MGAT5B: variants seen among roughly 807,000 people sequenced by gnomAD.
The protein encoded by MGAT5B is N-acetylglucosaminyl-transferase Vb.
A neutral mutation model predicts 95.1 loss-of-function variants in MGAT5B; 54 were observed. The observed-to-expected ratio is 0.57, with a 90% CI of 0.46 to 0.71. The LOEUF is 0.71. Ranked by LOEUF, MGAT5B falls within the 30% of genes least tolerant of loss-of-function variation. The pLI is 0.00. For missense variants in MGAT5B, 935 were observed against 1,088.6 expected (o/e 0.86, Z 1.99); for synonymous variants, 464 against 451.0 (o/e 1.03, Z -0.36).
At chr17:76,893,547 G>C (rs889573507) in intron 3 of MGAT5B, among the ~76,000 whole-genome samples, 6 of 152,234 alleles carry the variant, frequency 3.9e-5, no homozygotes, top group Admixed American at 6.5e-5. Context: ...CAGGACCAAA[G>C]GGCTCAGGGG....
intron 4 of MGAT5B, 72 bp downstream of exon 4, chr17:76,902,742 GA>G: frequency 1.2e-6 from 1 of 836,026 alleles, no homozygotes; most frequent in Non-Finnish European, 1.9e-6. Flanking sequence ...TGGGCCCTGG[GA>G]GGGTGGGACA....
chr17:76,893,043 T>G (rs1967935189), intron 3 of MGAT5B, among the ~76,000 whole-genome samples: 1 of 152,136 alleles, frequency 6.6e-6, no homozygotes, highest in South Asian at 2.1e-4. Flanking sequence ...GGTGTGGACA[T>G]CCCGGAGCTG....
rs1466446407 is a variant in MGAT5B, at chr17:76,905,138, G to T, written c.691-31G>T. 1.3e-6 allele frequency: 2 copies of T among 1,577,114 alleles called. No homozygotes were observed. The highest frequency in any genetic ancestry group is 1.7e-6 in the Non-Finnish European group (2 of 1,155,078). Reference sequence around the variant, plus strand: ...GGAATGATGGTGGCCGCAGGTTGAGGGGCAGAGAGCTGAGGTCTGGACCCC... The same window carrying T: ...GGAATGATGGTGGCCGCAGGTTGAGTGGCAGAGAGCTGAGGTCTGGACCCC... On this transcript the variant is annotated intron_variant, in intron 6 of 17. Transcript: ENST00000569840. This position sits in a 1 kb window ranked among gnomAD's most constrained non-coding sequence, Gnocchi z 4.2.
intron 8 of MGAT5B, among the ~76,000 whole-genome samples, chr17:76,921,582 C>T (rs1969125787): frequency 6.6e-6 from 1 of 152,148 alleles, no homozygotes; most frequent in South Asian, 2.1e-4. Flanking sequence ...ACCCACTTCC[C>T]TGCTCCCTCC....
chr17:76,893,174 A>G (rs1025504510), intron 3 of MGAT5B, among the ~76,000 whole-genome samples: 1 of 151,994 alleles, frequency 6.6e-6, no homozygotes, highest in African/African-American at 2.4e-5. Flanking sequence ...CCACACAGAC[A>G]CACCCCAGGT....
At chr17:76,937,886 T>C in intron 12 of MGAT5B, 102 bp from the exon 13 acceptor site, 1 of 1,430,152 alleles carries the variant, frequency 7.0e-7, no homozygotes, top group Non-Finnish European at 9.6e-7. Context: ...AACCTGAGAC[T>C]GGGTCCACAT....
At position 76,904,278 on chromosome 17, in the gene MGAT5B, C is replaced by G. The variant is rs1279662635; in HGVS notation, c.546C>G (p.Asp182Glu). The G allele has an allele frequency of 6.2e-7, 1 of 1,610,696 alleles. No individual in the cohort carries two copies. Among genetic ancestry groups the G allele is most frequent in the Admixed American group, 1.7e-5 (1 of 59,650 alleles). ...VEWMRARWTS[D>E]PCYAFFGVDG... ...GGATGCGTGCCCGCTGGACCTCTGA[C>G]CCCTGCTACGCCTTCTTTGGGGTGG... Residue 182 changes from aspartate to glutamate, a missense_variant, in exon 6 of 18, where the codon GAC becomes GAG. Asp to Glu is a conservative substitution (Grantham distance 45). This residue lies in a region of MGAT5B where 243 missense variants were observed against 305.5 expected (regional missense o/e 0.80). Coordinates refer to ENST00000569840, the MANE Select transcript of MGAT5B (RefSeq NM_001199172.2).
intron 3 of MGAT5B, among the ~76,000 whole-genome samples, chr17:76,891,813 G>A (rs913827547): frequency 4.6e-5 from 7 of 152,144 alleles, no homozygotes; most frequent in African/African-American, 1.7e-4. Context: ...GACAGACAAG[G>A]GAGCTGAGGC....
chr17:76,928,814 GC>G (rs1459972041), intron 10 of MGAT5B, among the ~76,000 whole-genome samples: 1 of 152,092 alleles, frequency 6.6e-6, no homozygotes, highest in Non-Finnish European at 1.5e-5. Flanking sequence ...GGGTGTTTTA[GC>G]CAAGGTTCCT....
Position 76,926,633 on chromosome 17 carries a change from A to G in MGAT5B, c.1194A>G (p.Glu398=), listed in dbSNP as rs1007030096. The G allele has an allele frequency of 2.5e-6, 4 of 1,612,468 alleles. No individual in the cohort carries two copies. The African/African-American group carries it at 5.3e-5, about 22-fold the overall frequency. The change falls in exon 10 of 18, where the codon GAA becomes GAG. Residue 398 remains glutamate (E), a synonymous_variant. Coordinates refer to ENST00000569840, the MANE Select transcript of MGAT5B (RefSeq NM_001199172.2). Reference sequence around the variant, plus strand: ...GGGTCATCGACACCTTCGGGACGGAACCTGCGTACAACCACGAGGAGTACG... The same window carrying G: ...GGGTCATCGACACCTTCGGGACGGAGCCTGCGTACAACCACGAGGAGTACG... ...RIRVIDTFGT[E]PAYNHEEYAT... is the part of the protein sequence containing the mutation.
At chr17:76,921,281 A>C (rs2145228810) in intron 8 of MGAT5B, among the ~76,000 whole-genome samples, 1 of 152,222 alleles carries the variant, frequency 6.6e-6, no homozygotes, top group Admixed American at 6.5e-5. Context: ...CAGGTACAGG[A>C]AGTGTCCGGT....
rs2411041 is a variant in MGAT5B, at chr17:76,917,781, G to A, written c.1026-7185G>A. ...CTGGCACACAGGAGTCACCCGAGGA[G>A]CTGAAAATAATCCCCGACGCCCAGG... is the stretch of plus-strand genomic sequence containing the variant. On this transcript the variant is annotated intron_variant, in intron 8 of 17. Transcript: ENST00000569840. The surrounding 1 kb of genome is among the most constrained non-coding windows in gnomAD (Gnocchi z 6.1). Among the ~76,000 whole-genome samples, 32,634 of 152,114 alleles carry A rather than the reference G, an allele frequency of 0.21. 4,096 individuals carry two copies. Among genetic ancestry groups the A allele is most frequent in the East Asian group, 0.38 (1,944 of 5,144 alleles).
chr17:76,901,333 A>T (rs1051934884), intron 3 of MGAT5B, among the ~76,000 whole-genome samples: 12 of 152,032 alleles, frequency 7.9e-5, no homozygotes, highest in African/African-American at 2.7e-4. Context: ...ATAGGGATAA[A>T]CGGAGCTTAA....
chr17:76,948,494 G>T (rs1245985904), intron 17 of MGAT5B, 146 bp from the exon 18 acceptor site: 5 of 908,034 alleles, frequency 5.5e-6, no homozygotes, highest in South Asian at 5.2e-5. Flanking sequence ...TAAAGGAGCC[G>T]TAACACATTT....
intron 8 of MGAT5B, chr17:76,913,597 T>C (rs1968821484): frequency 2.3e-6 from 1 of 432,150 alleles, no homozygotes; most frequent in African/African-American, 2.0e-5. Flanking sequence ...TGGTTGAAAT[T>C]GTCAAAGGAT....
At chr17:76,872,188 T>C (rs945925304) in intron 1 of MGAT5B, among the ~76,000 whole-genome samples, 4 of 151,876 alleles carry the variant, frequency 2.6e-5, no homozygotes, top group African/African-American at 7.3e-5. Flanking sequence ...GAGATGTGTG[T>C]TGGGGGGAGC....
In MGAT5B at chr17:76,902,664, A is replaced by C; in HGVS notation, c.439A>C (p.Ser147Arg). Reference protein sequence around the residue: ...QILRHSLLLHSKVSEGRRDQC... With the variant: ...QILRHSLLLHRKVSEGRRDQC... Reference sequence around the variant, plus strand: ...CCTGCGCCACAGTCTGCTCCTGCACAGCAAGGGTGGGTGCCAGGGGGCGGG... The same window carrying C: ...CCTGCGCCACAGTCTGCTCCTGCACCGCAAGGGTGGGTGCCAGGGGGCGGG... Residue 147 changes from serine to arginine, a missense_variant, in exon 4 of 18, where the codon AGC becomes CGC. Ser to Arg is a moderately radical substitution (Grantham distance 110). Around this residue, in one of 4 missense-constraint regions of MGAT5B, gnomAD observed 243 missense variants for 228.2 expected, o/e 1.06. Transcript: ENST00000569840. The C allele has an allele frequency of 6.4e-7, 1 of 1,554,022 alleles. No homozygotes were observed. Among genetic ancestry groups the C allele is most frequent in the Non-Finnish European group, 8.7e-7 (1 of 1,145,116 alleles).
At position 76,880,792 on chromosome 17, in the gene MGAT5B, G is replaced by A. The variant is rs80005586; in HGVS notation, c.182-1359G>A. 1.1e-3 allele frequency among the ~76,000 whole-genome samples: 168 copies of A among 152,298 alleles called. 1 individual carries two copies. Among genetic ancestry groups the A allele is most frequent in the African/African-American group, 3.8e-3 (160 of 41,570 alleles). ...CCAGCAGGGCTAAGGTTGGGCGCCC[G>A]GGTGGTAATATTCTCGGCAGTGCAG... On this transcript the variant is annotated intron_variant, in intron 2 of 17. Coordinates refer to ENST00000569840, the MANE Select transcript of MGAT5B (RefSeq NM_001199172.2).
At position 76,905,314 on chromosome 17, in the gene MGAT5B, C is replaced by T. The variant is rs1165308124; in HGVS notation, c.836C>T (p.Thr279Ile). 6.3e-7 allele frequency: 1 copy of T among 1,595,536 alleles called. No individual in the cohort carries two copies. Among genetic ancestry groups the T allele is most frequent in the South Asian group, 1.1e-5 (1 of 90,264 alleles). Residue 279 changes from threonine to isoleucine, a missense_variant, in exon 7 of 18, where the codon ACC becomes ATC. Around this residue, in one of 4 missense-constraint regions of MGAT5B, gnomAD observed 243 missense variants for 305.5 expected, o/e 0.80. Transcript: ENST00000569840. The surrounding 1 kb of genome is among the most constrained non-coding windows in gnomAD (Gnocchi z 4.2). ...AQRLAQKLGATQRDQKQILVH... is the reference protein window; with the variant it reads ...AQRLAQKLGAIQRDQKQILVH... ...CGCCTGGCACAGAAGCTGGGGGCCA[C>T]CCAGAGGGACCAGAAGCAGGTGCGT...
Sources: gnomAD v4.1 joint callset for allele counts (sites outside exome capture counted in the v4.1 genomes callset) on GRCh38, gnomAD v4.1.1 for gene constraint, gnomAD v4.1.1 regional missense constraint, Gnocchi (gnomAD v3.1) non-coding constraint, MANE v1.5 for transcripts, NCBI Gene and HGNC (gene_info 2026-07-23, HGNC 2026-07-21) for gene names.